Variants in AATF observed in about 807,000 individuals in gnomAD.
The protein encoded by AATF is apoptosis antagonizing transcription factor.
A neutral mutation model predicts 63.7 loss-of-function variants in AATF; 48 were observed. The observed-to-expected ratio is 0.75, with a 90% CI of 0.60 to 0.96. The LOEUF is 0.96. Ranked by LOEUF, AATF falls within the 40% of genes least tolerant of loss-of-function variation. AATF has a pLI of 0.00. For synonymous variants in AATF, 258 were observed against 247.7 expected, an observed-to-expected ratio of 1.04 and a Z score of -0.39; for missense variants, 639 against 685.7, an observed-to-expected ratio of 0.93 and a Z score of 0.76.
intron 11 of AATF, among the ~76,000 whole-genome samples, chr17:37,043,582 C>T (rs2071662637): frequency 6.6e-6 from 1 of 152,148 alleles, no homozygotes; most frequent in Non-Finnish European, 1.5e-5. Flanking sequence ...AGAAGTATGC[C>T]TGTGTGTACT....
intron 4 of AATF, among the ~76,000 whole-genome samples, chr17:36,965,507 A>G (rs1051309895): frequency 6.6e-6 from 1 of 152,152 alleles, no homozygotes; most frequent in African/African-American, 2.4e-5. Flanking sequence ...TATGTTACTG[A>G]CAAAGCCACA....
chr17:36,955,836 C>T (rs1247861674), intron 4 of AATF, among the ~76,000 whole-genome samples: 2 of 152,172 alleles, frequency 1.3e-5, no homozygotes, highest in East Asian at 1.9e-4. Context: ...GATCATAGCT[C>T]GTTGCAGCTT....
chr17:36,961,275 A>G (rs2070944953), intron 4 of AATF, among the ~76,000 whole-genome samples: 1 of 152,208 alleles, frequency 6.6e-6, no homozygotes, highest in African/African-American at 2.4e-5. Flanking sequence ...TGCTTTAATA[A>G]ACATCCTTGT....
chr17:37,038,260 G>C (rs2071608729), intron 11 of AATF, among the ~76,000 whole-genome samples: 1 of 152,218 alleles, frequency 6.6e-6, no homozygotes, highest in Non-Finnish European at 1.5e-5. Flanking sequence ...GTTTTTGACA[G>C]ACCCTCTGAG....
intron 8 of AATF, among the ~76,000 whole-genome samples, chr17:37,002,480 A>G (rs1025574868): frequency 6.6e-6 from 1 of 151,620 alleles, no homozygotes. Context: ...ATCCTGGCTA[A>G]CACGGTGAAA....
intron 11 of AATF, among the ~76,000 whole-genome samples, chr17:37,051,651 C>T (rs1477117042): frequency 2.0e-5 from 3 of 151,290 alleles, no homozygotes; most frequent in African/African-American, 7.3e-5. Context: ...TCAGAAGAAT[C>T]ACATAATAAA....
At chr17:37,050,990 G>T (rs1038696476) in intron 11 of AATF, 2 of 152,132 alleles carry the variant, frequency 1.3e-5, no homozygotes, top group Non-Finnish European at 2.9e-5. Context: ...GCTCAGGCTG[G>T]TCTCAAACTC....
chr17:36,977,100 A>C (rs1248236016), intron 4 of AATF, among the ~76,000 whole-genome samples: 1 of 152,216 alleles, frequency 6.6e-6, no homozygotes, highest in Non-Finnish European at 1.5e-5. Context: ...TATGTAGTCT[A>C]CATTTTGTTT....
intron 4 of AATF, among the ~76,000 whole-genome samples, chr17:36,980,681 G>C (rs1035237095): frequency 1.3e-5 from 2 of 151,144 alleles, no homozygotes; most frequent in Non-Finnish European, 2.9e-5. Flanking sequence ...TGTTGGATTT[G>C]AGTTTCCGGG....
At chr17:36,998,395 T>G (rs113508506) in intron 8 of AATF, among the ~76,000 whole-genome samples, 5 of 152,324 alleles carry the variant, frequency 3.3e-5, no homozygotes, top group African/African-American at 1.2e-4. Flanking sequence ...AAATAGGACA[T>G]TGAAACCTGT....
intron 11 of AATF, among the ~76,000 whole-genome samples, chr17:37,046,560 G>T (rs750885417): frequency 1.3e-5 from 2 of 152,140 alleles, no homozygotes; most frequent in East Asian, 1.9e-4. Flanking sequence ...GTTACTTCTT[G>T]TGCGTTTTGA....
chr17:37,032,610 C>A (rs534188451), intron 11 of AATF, among the ~76,000 whole-genome samples: 2 of 152,120 alleles, frequency 1.3e-5, no homozygotes, highest in African/African-American at 4.8e-5. Context: ...TCAGCAGAGA[C>A]GGGAAGTGTA....
At chr17:36,995,727 C>A (rs995435065) in intron 8 of AATF, among the ~76,000 whole-genome samples, 2 of 151,776 alleles carry the variant, frequency 1.3e-5, no homozygotes, top group Admixed American at 6.6e-5. Flanking sequence ...ACCATCACAC[C>A]CAGCTAATTT....
intron 11 of AATF, among the ~76,000 whole-genome samples, chr17:37,035,527 C>T (rs1380712583): frequency 2.0e-5 from 3 of 151,076 alleles, no homozygotes; most frequent in Admixed American, 1.3e-4. Context: ...GATTATTTGA[C>T]ATTGTGTTTC....
intron 4 of AATF, among the ~76,000 whole-genome samples, chr17:36,962,857 C>T (rs1274540540): frequency 1.3e-5 from 2 of 152,210 alleles, no homozygotes; most frequent in East Asian, 3.8e-4. Context: ...CACTGTGGCT[C>T]ATGCCTGTAA....
intron 11 of AATF, among the ~76,000 whole-genome samples, chr17:37,050,539 T>C (rs957681680): frequency 3.3e-5 from 5 of 152,142 alleles, no homozygotes; most frequent in Non-Finnish European, 7.3e-5. Context: ...CACACATCTG[T>C]CATTGGTGAC....
rs149377725 is a variant in AATF, at chr17:37,030,131, G to C, written c.1548-1483G>C. 2.9e-4 allele frequency among the ~76,000 whole-genome samples: 43 copies of C among 150,458 alleles called. 1 individual carries two copies. In the East Asian group the frequency reaches 8.4e-3, roughly 29 times the overall value. On this transcript the variant is annotated intron_variant, in intron 10 of 11. Transcript: ENST00000619387. ...TTACTATGTTGTCCAGGCTAGTTTT[G>C]AACTCCTAGTCTCAAGCAATCCTTC...
intron 8 of AATF, 164 bp from the exon 9 acceptor site, chr17:37,018,841 A>G (rs2071447492): frequency 1.6e-6 from 1 of 621,270 alleles, no homozygotes; most frequent in South Asian, 2.0e-5. Flanking sequence ...TATAACTATG[A>G]AAGCGTTAAC....
chr17:37,040,228 A>G (rs747397203), intron 11 of AATF, among the ~76,000 whole-genome samples: 2 of 152,222 alleles, frequency 1.3e-5, no homozygotes, highest in Non-Finnish European at 2.9e-5. Flanking sequence ...TTAGTTAGTC[A>G]TAATCATGTT....
Sources: gnomAD v4.1 joint callset for allele counts (sites outside exome capture counted in the v4.1 genomes callset) on GRCh38, gnomAD v4.1.1 for gene constraint, MANE v1.5 for transcripts, NCBI Gene and HGNC (gene_info 2026-07-23, HGNC 2026-07-21) for gene names.